Variants in PTPRN2 observed in about 807,000 individuals in gnomAD.
The protein encoded by PTPRN2 is protein tyrosine phosphatase receptor type N2.
PTPRN2 carries 74 observed loss-of-function variants against 118.8 expected under a neutral mutation model. The ratio of observed to expected loss-of-function variants is 0.62; its 90% confidence interval spans 0.52 to 0.76. The LOEUF (loss-of-function observed/expected upper bound fraction) is 0.76, where lower values mean the gene tolerates loss of function less well. PTPRN2 is among the 30% of genes least tolerant of loss of function. PTPRN2 has a pLI of 0.00. For synonymous variants in PTPRN2, 641 were observed against 608.0 expected (o/e 1.05, Z -0.80); for missense variants, 1,481 against 1,394.4 (o/e 1.06, Z -0.99).
intron 4 of PTPRN2, among the ~76,000 whole-genome samples, chr7:158,194,213 C>G (rs1211880043): frequency 6.6e-6 from 1 of 152,166 alleles, no homozygotes; most frequent in Non-Finnish European, 1.5e-5. Flanking sequence ...TGCGCCTGCA[C>G]GCACACACCA....
At position 158,188,617 on chromosome 7, in the gene PTPRN2, G is replaced by A. The variant is rs548589181; in HGVS notation, c.549+3710C>T. Among the ~76,000 whole-genome samples the A allele has an allele frequency of 6.1e-4, 63 of 103,608 alleles. 6 individuals carry two copies. Among genetic ancestry groups the A allele is most frequent in the African/African-American group, 2.1e-3 (55 of 26,232 alleles). 68.0% of individuals were successfully genotyped at this position (103,608 alleles called of 152,430 possible). A position where few individuals can be genotyped will look rare whatever the true frequency, so the allele number is the denominator to read the frequency against. ...CCTGATGGGGAAGCCCGCCACGCTC[G>A]CCCCCTGATGGGGAAGGCCGCCACG... On this transcript the variant is annotated intron_variant, in intron 5 of 22. Coordinates refer to ENST00000389418, the MANE Select transcript of PTPRN2 (RefSeq NM_002847.5).
chr7:158,397,499 C>T (rs1167249430), intron 2 of PTPRN2, among the ~76,000 whole-genome samples: 1 of 152,244 alleles, frequency 6.6e-6, no homozygotes, highest in Admixed American at 6.5e-5. Context: ...AACACTCCTC[C>T]TGTGCCCTGC....
At chr7:157,670,174 G>T (rs1331862155) in intron 13 of PTPRN2, among the ~76,000 whole-genome samples, 1 of 152,156 alleles carries the variant, frequency 6.6e-6, no homozygotes, top group Admixed American at 6.5e-5. Flanking sequence ...GGCTGTGTTT[G>T]AATCTCCTGA....
At position 157,874,210 on chromosome 7, in the gene PTPRN2, C is replaced by T. The variant is rs1459006252; in HGVS notation, c.1788+24463G>A. Among the ~76,000 whole-genome samples, 2 of 152,202 alleles carry T rather than the reference C, an allele frequency of 1.3e-5. No homozygotes were observed. The highest frequency in any genetic ancestry group is 2.4e-5 in the African/African-American group (1 of 41,452). On this transcript the variant is annotated intron_variant, in intron 12 of 22. Transcript: ENST00000389418. The surrounding 1 kb of genome is among the most constrained non-coding windows in gnomAD (Gnocchi z 5.8). ...CTGCCTCTGGCCTCCCTCTGTTTCC[C>T]CCTCCACAACTGGGCAGGCTGCTCC...
At chr7:158,026,969 A>G (rs1476896935) in intron 11 of PTPRN2, among the ~76,000 whole-genome samples, 2 of 151,898 alleles carry the variant, frequency 1.3e-5, no homozygotes, top group African/African-American at 4.8e-5. Flanking sequence ...GGTTCAAATG[A>G]CCCCACCATC....
rs142049748 is a variant in PTPRN2, at chr7:157,769,827, C to T, written c.1789-86890G>A. ...AAACACTATCCCAGGCGCTCCTCACCTGGATTCCCTGGGGGCTGCCATGGG... is the reference window on the plus strand; with the variant it reads ...AAACACTATCCCAGGCGCTCCTCACTTGGATTCCCTGGGGGCTGCCATGGG... On this transcript the variant is annotated intron_variant, in intron 12 of 22. Coordinates refer to ENST00000389418, the MANE Select transcript of PTPRN2 (RefSeq NM_002847.5). 4.0e-4 allele frequency among the ~76,000 whole-genome samples: 61 copies of T among 152,358 alleles called. 1 individual carries two copies. The East Asian group carries it at 0.012, about 29-fold the overall frequency.
chr7:158,243,951 C>T (rs1317268330), intron 3 of PTPRN2, among the ~76,000 whole-genome samples: 1 of 152,196 alleles, frequency 6.6e-6, no homozygotes, highest in Non-Finnish European at 1.5e-5. Context: ...CTGCTAAATA[C>T]TAAGTACTTC....
At chr7:157,691,587 T>C (rs1282609901) in intron 12 of PTPRN2, among the ~76,000 whole-genome samples, 1 of 152,190 alleles carries the variant, frequency 6.6e-6, no homozygotes, top group African/African-American at 2.4e-5. Flanking sequence ...TGCCACCATT[T>C]GGTCCAGGCC....
intron 1 of PTPRN2, among the ~76,000 whole-genome samples, chr7:158,499,768 C>T (rs1407114161): frequency 6.6e-6 from 1 of 151,186 alleles, no homozygotes; most frequent in Non-Finnish European, 1.5e-5. Context: ...AAGACTCCAT[C>T]TCAAATATAT....
At chr7:157,718,024 C>T (rs1381058612) in intron 12 of PTPRN2, among the ~76,000 whole-genome samples, 2 of 152,268 alleles carry the variant, frequency 1.3e-5, no homozygotes, top group African/African-American at 4.8e-5. Context: ...CACGTCTCCA[C>T]TCTGGGGAGG....
chr7:157,967,389 G>A (rs948676773), intron 11 of PTPRN2, among the ~76,000 whole-genome samples: 3 of 152,166 alleles, frequency 2.0e-5, no homozygotes, highest in Non-Finnish European at 4.4e-5. Context: ...TCAAGGTGTC[G>A]GCTGAGCTGC....
At chr7:158,355,941 T>G (rs927064849) in intron 2 of PTPRN2, among the ~76,000 whole-genome samples, 1 of 152,192 alleles carries the variant, frequency 6.6e-6, no homozygotes, top group African/African-American at 2.4e-5. Context: ...CGAAACAGAA[T>G]GTGGTTCCAG....
At chr7:157,796,547 G>C (rs559757903) in intron 12 of PTPRN2, among the ~76,000 whole-genome samples, 1 of 152,324 alleles carries the variant, frequency 6.6e-6, no homozygotes, top group Admixed American at 6.5e-5. Flanking sequence ...TTGGAGAGAG[G>C]AAACAAACTT....
At chr7:157,544,122 G>C (rs564874819) in intron 22 of PTPRN2, among the ~76,000 whole-genome samples, 1 of 151,024 alleles carries the variant, frequency 6.6e-6, no homozygotes, top group South Asian at 2.1e-4. Flanking sequence ...GAGAGAGATG[G>C]AGAGAGGCGG....
Position 157,831,299 on chromosome 7 carries a change from C to T in PTPRN2, c.1788+67374G>A, listed in dbSNP as rs76381100. ...CGACCTGTAGCCTCATCCAGCACTG[C>T]GGCCACTCCTCCTCCAGGTGTCCCG... On this transcript the variant is annotated intron_variant, in intron 12 of 22. Coordinates refer to ENST00000389418, the MANE Select transcript of PTPRN2 (RefSeq NM_002847.5). This position sits in a 1 kb window ranked among gnomAD's most constrained non-coding sequence, Gnocchi z 4.8. 0.02 allele frequency among the ~76,000 whole-genome samples: 3,084 copies of T among 152,284 alleles called. 97 individuals carry two copies. The highest frequency in any genetic ancestry group is 0.067 in the African/African-American group (2,783 of 41,544).
intron 12 of PTPRN2, among the ~76,000 whole-genome samples, chr7:157,788,877 A>C (rs1487744328): frequency 6.6e-6 from 1 of 152,206 alleles, no homozygotes; most frequent in African/African-American, 2.4e-5. Flanking sequence ...GCTATGCTGG[A>C]GGCCGCTGGA....
intron 2 of PTPRN2, among the ~76,000 whole-genome samples, chr7:158,457,402 A>G (rs1470229463): frequency 1.3e-5 from 2 of 152,236 alleles, no homozygotes; most frequent in African/African-American, 4.8e-5. Context: ...CTTGATAAGC[A>G]GACACCACTA....
chr7:158,465,203 CA>C (rs1819305672), intron 2 of PTPRN2, among the ~76,000 whole-genome samples: 1 of 152,214 alleles, frequency 6.6e-6, no homozygotes, highest in South Asian at 2.1e-4. Context: ...TGCGAAGTGA[CA>C]CTCTGGTGGC....
Position 158,002,397 on chromosome 7 carries a change from A to G in PTPRN2, c.1723+78901T>C, listed in dbSNP as rs1317500763. ...CGGCCCCTAAAAAGCTTCCAGTTTC[A>G]CGGTGAGGGGAAATGTTGTAAACTA... On this transcript the variant is annotated intron_variant, in intron 11 of 22. Coordinates refer to ENST00000389418, the MANE Select transcript of PTPRN2 (RefSeq NM_002847.5). Among the ~76,000 whole-genome samples, 3 of 152,128 alleles carry G rather than the reference A, an allele frequency of 2.0e-5. No homozygotes were observed. The East Asian group carries it at 5.8e-4, about 29-fold the overall frequency.
Sources: gnomAD v4.1 joint callset for allele counts (sites outside exome capture counted in the v4.1 genomes callset) on GRCh38, gnomAD v4.1.1 for gene constraint, Gnocchi (gnomAD v3.1) non-coding constraint, MANE v1.5 for transcripts, NCBI Gene and HGNC (gene_info 2026-07-23, HGNC 2026-07-21) for gene names.